Variants in GSKIP observed in about 807,000 individuals in gnomAD.
GSKIP encodes the protein GSK3B interacting protein, also known as GSK3B-interacting protein.
GSKIP carries 5 observed loss-of-function variants against 11.9 expected under a neutral mutation model. That is an observed-to-expected ratio of 0.42 (90% CI 0.22 to 0.89). The LOEUF (loss-of-function observed/expected upper bound fraction) is 0.89. Among genes scored for constraint, GSKIP ranks in the 40% least tolerant of loss-of-function variants. The pLI, the probability that GSKIP is intolerant of heterozygous loss-of-function variation, is 0.29. For synonymous variants in GSKIP, 70 were observed against 62.9 expected (o/e 1.11, Z -0.54); for missense variants, 150 against 166.6 (o/e 0.90, Z 0.55).
At position 96,382,512 on chromosome 14, in the gene GSKIP, C is replaced by G; in HGVS notation, c.258+7C>G. 1 of 1,584,262 alleles carries G rather than the reference C, an allele frequency of 6.3e-7. No individual in the cohort carries two copies. Among genetic ancestry groups the G allele is most frequent in the African/African-American group, 1.4e-5 (1 of 73,310 alleles). On this transcript the variant is annotated splice_region_variant and intron_variant, in intron 3 of 3. Transcript: ENST00000555181. ...CACTGAAGCAGGGCTCAAGGTAACT[C>G]ACTTTTCCTTTTAGAAAAAAAAATT...
chr14:96,383,339 T>G (rs1889401222), intron 3 of GSKIP, among the ~76,000 whole-genome samples: 1 of 151,652 alleles, frequency 6.6e-6, no homozygotes, highest in Admixed American at 6.6e-5. Context: ...AGTTCGAGGT[T>G]GCAGTGAGCT....
At chr14:96,385,420 T>G (rs1182546866) in intron 3 of GSKIP, 103 bp from the exon 4 acceptor site, 3 of 869,124 alleles carry the variant, frequency 3.5e-6, no homozygotes, top group East Asian at 5.0e-5. Context: ...GGAAAAGAAA[T>G]AATTTATTTT....
chr14:96,382,381 T>C lies in GSKIP; in HGVS notation c.134T>C (p.Leu45Pro). ...LEAEAVVNDV[L>P]FAVNNMFVSK... Reference sequence around the variant, plus strand: ...GCTGAAGCAGTTGTAAATGATGTTCTCTTTGCTGTTAACAACATGTTTGTC... The same window carrying C: ...GCTGAAGCAGTTGTAAATGATGTTCCCTTTGCTGTTAACAACATGTTTGTC... Residue 45 changes from leucine to proline, a missense_variant, in exon 3 of 4, where the codon CTC (leucine) becomes CCC (proline). By Grantham distance (98) the Leu-to-Pro change is moderately conservative. Coordinates refer to ENST00000555181, the MANE Select transcript of GSKIP (RefSeq NM_016472.5). 1 of 1,614,048 alleles carries C rather than the reference T, an allele frequency of 6.2e-7. No individual in the cohort carries two copies.
intron 1 of GSKIP, chr14:96,364,378 T>G (rs143221339): frequency 1.3e-5 from 2 of 152,284 alleles, no homozygotes; most frequent in East Asian, 3.9e-4. Flanking sequence ...AAATCTTATG[T>G]GCATGGATTT....
intron 2 of GSKIP, among the ~76,000 whole-genome samples, chr14:96,381,682 C>T (rs759554868): frequency 6.6e-6 from 1 of 152,166 alleles, no homozygotes; most frequent in Non-Finnish European, 1.5e-5. Flanking sequence ...CAAGGAAATA[C>T]ATATTACAAC....
At chr14:96,367,655 AAATT>A (rs1469200346) in intron 1 of GSKIP, among the ~76,000 whole-genome samples, 3 of 152,206 alleles carry the variant, frequency 2.0e-5, no homozygotes, top group Non-Finnish European at 4.4e-5. Context: ...ATAGTCTAAT[AAATT>A]AGGAAGTAAA....
At chr14:96,371,566 T>C (rs1033597762) in intron 1 of GSKIP, among the ~76,000 whole-genome samples, 3 of 150,272 alleles carry the variant, frequency 2.0e-5, no homozygotes, top group African/African-American at 4.9e-5. Flanking sequence ...CGCCTCAGCC[T>C]CCCCAGTAGC....
rs190255432 is a variant in GSKIP, at chr14:96,385,543, C to A, written c.279C>A (p.Asp93Glu). Residue 93 changes from aspartate to glutamate, a missense_variant, in exon 4 of 4, where the codon GAC (aspartate) becomes GAA (glutamate). By Grantham distance (45) the Asp-to-Glu change is conservative (BLOSUM62 2). Transcript: ENST00000555181. ...TGTAGGTGGTAGGCTATGCTTTTGA[C>A]CAGGTAGATGATCATTTACAGACTC... ...AGLKVVGYAFDQVDDHLQTPY... is the reference protein window; with the variant it reads ...AGLKVVGYAFEQVDDHLQTPY... The A allele has an allele frequency of 2.5e-6, 4 of 1,611,206 alleles. No individual in the cohort carries two copies. The highest frequency in any genetic ancestry group is 1.1e-5 in the South Asian group (1 of 90,824).
At chr14:96,372,846 TGA>T (rs1190103613) in intron 1 of GSKIP, among the ~76,000 whole-genome samples, 1 of 152,058 alleles carries the variant, frequency 6.6e-6, no homozygotes, top group Non-Finnish European at 1.5e-5. Flanking sequence ...GCAAGGACTG[TGA>T]GGATATAGGA....
At chr14:96,374,499 A>G (rs1015535285) in intron 1 of GSKIP, among the ~76,000 whole-genome samples, 9 of 152,200 alleles carry the variant, frequency 5.9e-5, no homozygotes, top group African/African-American at 1.2e-4. Context: ...CATGGGAAAC[A>G]AGACAAGCAA....
At chr14:96,377,534 T>C (rs1889235046) in intron 1 of GSKIP, among the ~76,000 whole-genome samples, 2 of 152,244 alleles carry the variant, frequency 1.3e-5, no homozygotes, top group Non-Finnish European at 2.9e-5. Flanking sequence ...ACCTTCTGTT[T>C]AAATGTATAT....
chr14:96,366,684 A>G (rs1888893837), intron 1 of GSKIP, among the ~76,000 whole-genome samples: 2 of 152,370 alleles, frequency 1.3e-5, no homozygotes, highest in Admixed American at 6.5e-5. Flanking sequence ...ACCTGAGACC[A>G]GGAGTTTGAA....
chr14:96,365,105 CTCTT>C lies in GSKIP; in HGVS notation c.-103+1538_-103+1541del, dbSNP rs1389674687. The C allele has an allele frequency of 1.3e-5, 2 of 151,974 alleles. 1 individual carries two copies. Among genetic ancestry groups the C allele is most frequent in the Non-Finnish European group, 2.9e-5 (2 of 67,934 alleles). The allele number at this position is 151,974 out of a possible 1,614,324, so 9.4% of individuals were successfully genotyped here. ...GGATTACAGCAGTGAACAGATAAAT[CTCTT>C]CCTTCCTGGAACTTACATTTTATTG... On this transcript the variant is annotated intron_variant, in intron 1 of 3. Coordinates refer to ENST00000555181, the MANE Select transcript of GSKIP (RefSeq NM_016472.5).
At chr14:96,370,131 C>T (rs1281981617) in intron 1 of GSKIP, among the ~76,000 whole-genome samples, 1 of 152,226 alleles carries the variant, frequency 6.6e-6, no homozygotes, top group Non-Finnish European at 1.5e-5. Flanking sequence ...ACCCTTTTCT[C>T]TTGGCCAATT....
intron 2 of GSKIP, among the ~76,000 whole-genome samples, chr14:96,381,165 A>G (rs1022104512): frequency 5.3e-5 from 8 of 152,256 alleles, no homozygotes; most frequent in African/African-American, 1.9e-4. Context: ...TTTCTCATTC[A>G]TACATTTCAA....
At position 96,385,620 on chromosome 14, in the gene GSKIP, G is replaced by A. The variant is rs781445114; in HGVS notation, c.356G>A (p.Arg119Gln). The A allele has an allele frequency of 4.3e-6, 7 of 1,613,396 alleles. No homozygotes were observed. Among genetic ancestry groups the A allele is most frequent in the East Asian group, 2.2e-5 (1 of 44,868 alleles). The change falls in exon 4 of 4, where the codon CGA becomes CAA. Residue 119 changes from arginine to glutamine, a missense_variant. Physicochemically the swap from Arg to Gln is conservative, Grantham distance 43. Transcript: ENST00000555181. The part of the protein sequence containing the change: ...SLLDTLSPAY[R>Q]EAFGNALLQR... ...TTGGATACACTCAGCCCCGCCTACC[G>A]AGAAGCATTTGGAAACGCACTGCTT...
intron 1 of GSKIP, among the ~76,000 whole-genome samples, chr14:96,373,331 C>CT (rs1237659660): frequency 2.0e-5 from 3 of 150,662 alleles, no homozygotes; most frequent in Non-Finnish European, 3.0e-5. Flanking sequence ...TCTTTGGAGA[C>CT]TAAGTTGCTG....
Position 96,366,015 on chromosome 14 carries a change from A to G in GSKIP, c.-103+2447A>G, listed in dbSNP as rs562585764. On this transcript the variant is annotated intron_variant, in intron 1 of 3. Coordinates refer to ENST00000555181, the MANE Select transcript of GSKIP (RefSeq NM_016472.5). ...GTTAGAAGGATATCACCGTAATGCA[A>G]GGAAAAGATGACAGTGGTTTGGACC... 1.3e-5 allele frequency among the ~76,000 whole-genome samples: 2 copies of G among 152,242 alleles called. 1 individual carries two copies. Among genetic ancestry groups the G allele is most frequent in the Non-Finnish European group, 2.9e-5 (2 of 67,968 alleles).
Position 96,368,136 on chromosome 14 carries a change from TAC to T in GSKIP, c.-103+4570_-103+4571del, listed in dbSNP as rs1182603593. Among the ~76,000 whole-genome samples the T allele has an allele frequency of 3.9e-5, 6 of 152,126 alleles. No individual in the cohort carries two copies. In the East Asian group the frequency reaches 1.2e-3, roughly 29 times the overall value. Reference sequence around the variant, plus strand: ...GAGTGTCTTTTCCTAGAGTCTCATTTACAGTTTCTGGTTTCGAAGGAAAGGTT... The same window carrying T: ...GAGTGTCTTTTCCTAGAGTCTCATTTAGTTTCTGGTTTCGAAGGAAAGGTT... On this transcript the variant is annotated intron_variant, in intron 1 of 3. Transcript: ENST00000555181.
Sources: gnomAD v4.1 joint callset for allele counts (sites outside exome capture counted in the v4.1 genomes callset) on GRCh38, gnomAD v4.1.1 for gene constraint, MANE v1.5 for transcripts, NCBI Gene and HGNC (gene_info 2026-07-23, HGNC 2026-07-21) for gene names.